CAPG: variants seen among roughly 807,000 people sequenced by gnomAD.
CAPG encodes the protein capping actin protein, gelsolin like.
Under a neutral mutation model 44.6 loss-of-function variants are expected in CAPG, and 32 were observed. That is an observed-to-expected ratio of 0.72 (90% CI 0.54 to 0.96). The LOEUF is 0.96. Among genes scored for constraint, CAPG ranks in the 50% least tolerant of loss-of-function variants. The pLI is 0.00. For missense variants in CAPG, 412 were observed against 438.3 expected, an observed-to-expected ratio of 0.94 and a Z score of 0.54; for synonymous variants, 175 against 179.6, an observed-to-expected ratio of 0.97 and a Z score of 0.20.
intron 7 of CAPG, chr2:85,398,370 G>A (rs1370251189): frequency 5.0e-6 from 3 of 597,684 alleles, no homozygotes; most frequent in African/African-American, 3.7e-5. Flanking sequence ...CAGGGGCCCC[G>A]AACCCATTTG....
Position 85,401,795 on chromosome 2 carries a change from G to A in CAPG, c.186C>T (p.His62=). 2 of 1,613,962 alleles carry A rather than the reference G, an allele frequency of 1.2e-6. No individual in the cohort carries two copies. Among genetic ancestry groups the A allele is most frequent in the Non-Finnish European group, 1.7e-6 (2 of 1,179,910 alleles). ...TCCAGATCCCCTTACCTATCCACAG[G>A]TGCAGATGGGAAACCTCTTCTGGGC... The part of the protein sequence containing the change: ...HNGPEEVSHL[H]LWIGQQSSRD... The change falls in exon 3 of 10, where the codon CAC becomes CAT. Residue 62 remains histidine, a synonymous_variant. Coordinates refer to ENST00000263867, the MANE Select transcript of CAPG (RefSeq NM_001747.4).
intron 1 of CAPG, among the ~76,000 whole-genome samples, chr2:85,407,903 C>T (rs1219477338): frequency 1.3e-5 from 2 of 151,972 alleles, no homozygotes; most frequent in African/African-American, 4.8e-5. Flanking sequence ...ATCTCTGTCC[C>T]GAGACCTTTT....
At chr2:85,412,926 A>T (rs540248306), upstream of CAPG, among the ~76,000 whole-genome samples, 84 of 152,332 alleles carry the variant, frequency 5.5e-4, no homozygotes, top group Non-Finnish European at 5.9e-4. Context: ...ATGATTAATG[A>T]GCAAATAATA....
In CAPG at chr2:85,395,537, C is replaced by T. The variant is rs370638517; in HGVS notation, c.981+1G>A. The T allele has an allele frequency of 5.0e-6, 8 of 1,612,822 alleles. No individual in the cohort carries two copies. Among genetic ancestry groups the T allele is most frequent in the South Asian group, 1.1e-5 (1 of 90,924 alleles). On this transcript the variant is annotated splice_donor_variant, in intron 9 of 9. Coordinates refer to ENST00000263867, the MANE Select transcript of CAPG (RefSeq NM_001747.4). LOFTEE classifies it high-confidence loss of function. The surrounding 1 kb of genome is among the most constrained non-coding windows in gnomAD (Gnocchi z 4.3). The stretch of plus-strand genomic sequence containing the variant: ...GGCTGTGGTTGTGCGCATCTCCTCA[C>T]CTGAGTGTTCGGGGCGTACTGCATG...
intron 1 of CAPG, among the ~76,000 whole-genome samples, chr2:85,408,541 C>G (rs1687278156): frequency 6.6e-6 from 1 of 152,164 alleles, no homozygotes; most frequent in East Asian, 1.9e-4. Context: ...CTTCACATCT[C>G]AACTGGAGCA....
intron 1 of CAPG, among the ~76,000 whole-genome samples, chr2:85,407,556 T>C (rs1687216541): frequency 6.6e-6 from 1 of 151,322 alleles, no homozygotes; most frequent in Non-Finnish European, 1.5e-5. Flanking sequence ...CTACAAAATA[T>C]ACAAAAATTA....
upstream of CAPG, chr2:85,413,048 GA>G (rs1182841802): frequency 6.6e-6 from 1 of 152,226 alleles, no homozygotes; most frequent in Admixed American, 6.5e-5. Flanking sequence ...TTCTCCACAG[GA>G]GGAAAGAAAG....
upstream of CAPG, among the ~76,000 whole-genome samples, chr2:85,410,776 T>C (rs1687382498): frequency 6.6e-6 from 1 of 152,180 alleles, no homozygotes; most frequent in Non-Finnish European, 1.5e-5. Flanking sequence ...GGCTTCACAT[T>C]ACTTTTTCCT....
intron 7 of CAPG, 118 bp downstream of exon 7, chr2:85,398,572 C>T (rs1051305290): frequency 1.3e-5 from 11 of 820,792 alleles, no homozygotes; most frequent in African/African-American, 5.1e-5. Context: ...CCTCCCACCT[C>T]GGTTCCAGCC....
rs749132656 is a variant in CAPG, at chr2:85,401,976, T to C, written c.24-19A>G. 5.6e-6 allele frequency: 9 copies of C among 1,613,622 alleles called. No homozygotes were observed. The highest frequency in any genetic ancestry group is 7.6e-6 in the Non-Finnish European group (9 of 1,179,882). ...AGAGCCACTGCGAGAAGAGAGAGGG[T>C]TGACAGCAGCCTGGACCCACTTGCC... On this transcript the variant is annotated intron_variant, in intron 2 of 9. Coordinates refer to ENST00000263867, the MANE Select transcript of CAPG (RefSeq NM_001747.4).
chr2:85,399,478 C>T (rs1252621219), intron 5 of CAPG, among the ~76,000 whole-genome samples, 193 bp from the exon 6 acceptor site: 1 of 152,194 alleles, frequency 6.6e-6, no homozygotes, highest in Non-Finnish European at 1.5e-5. Flanking sequence ...TTTCTCTGCC[C>T]ACCTGCCATC....
upstream of CAPG, among the ~76,000 whole-genome samples, chr2:85,411,241 C>G (rs1010915752): frequency 6.6e-6 from 1 of 152,222 alleles, no homozygotes; most frequent in Non-Finnish European, 1.5e-5. Flanking sequence ...CAGGTCTCTA[C>G]CCTTTGGTCT....
chr2:85,416,413 C>T (rs1471418698), intron 1 of CAPG, among the ~76,000 whole-genome samples: 1 of 152,204 alleles, frequency 6.6e-6, no homozygotes, highest in African/African-American at 2.4e-5. Context: ...AACCGAGAGG[C>T]ACAGCTCAGG....
intron 1 of CAPG, among the ~76,000 whole-genome samples, chr2:85,404,120 T>C (rs79807904): frequency 6.6e-6 from 1 of 152,056 alleles, no homozygotes; most frequent in East Asian, 1.9e-4. Context: ...TTTAAAGTGA[T>C]GGATATGCTA....
At chr2:85,413,409 A>G (rs2104860815), upstream of CAPG, among the ~76,000 whole-genome samples, 1 of 152,236 alleles carries the variant, frequency 6.6e-6, no homozygotes, top group East Asian at 1.9e-4. Flanking sequence ...GCGAAACCCC[A>G]TCTCTACTAA....
chr2:85,409,479 A>G (rs966202590), intron 1 of CAPG, among the ~76,000 whole-genome samples: 3 of 152,016 alleles, frequency 2.0e-5, no homozygotes, highest in African/African-American at 7.2e-5. Context: ...GTCCAGTGGT[A>G]CCTTTGCCTT....
At chr2:85,418,077 C>A (rs981476679) in intron 1 of CAPG, among the ~76,000 whole-genome samples, 1 of 152,154 alleles carries the variant, frequency 6.6e-6, no homozygotes, top group Non-Finnish European at 1.5e-5. Flanking sequence ...AGGTAACTAG[C>A]GCTAATGTGC....
At chr2:85,399,109 C>A (rs1293210745) in intron 6 of CAPG, 27 bp downstream of exon 6, 1 of 1,608,466 alleles carries the variant, frequency 6.2e-7, no homozygotes, top group Non-Finnish European at 8.5e-7. Flanking sequence ...CAGAGGCTCC[C>A]AGCCACCCAC....
intron 6 of CAPG, 90 bp from the exon 7 acceptor site, chr2:85,398,872 G>T: frequency 9.5e-7 from 1 of 1,056,154 alleles, no homozygotes; most frequent in South Asian, 1.5e-5. Flanking sequence ...TTCTGGTGGG[G>T]CAAACTGCGC....
Sources: gnomAD v4.1 joint callset for allele counts (sites outside exome capture counted in the v4.1 genomes callset) on GRCh38, gnomAD v4.1.1 for gene constraint, Gnocchi (gnomAD v3.1) non-coding constraint, MANE v1.5 for transcripts, NCBI Gene and HGNC (gene_info 2026-07-23, HGNC 2026-07-21) for gene names.